The following CDC42BPA variants were observed in gnomAD, a reference collection of about 807,000 sequenced individuals.
CDC42BPA encodes the protein serine/threonine-protein kinase MRCK alpha.
CDC42BPA carries 80 observed loss-of-function variants against 223.5 expected under a neutral mutation model. The observed-to-expected ratio is 0.36, with a 90% CI of 0.30 to 0.43. CDC42BPA has a LOEUF of 0.43. CDC42BPA is among the 20% of genes least tolerant of loss of function. The pLI, the probability that CDC42BPA is intolerant of heterozygous loss-of-function variation, is 1.00. For missense variants in CDC42BPA, 1,743 were observed against 2,099.9 expected (o/e 0.83, Z 3.32); for synonymous variants, 694 against 718.6 (o/e 0.97, Z 0.55).
rs76002042 is a variant in CDC42BPA, at chr1:227,262,592, C to T, written c.179-8437G>A. Among the ~76,000 whole-genome samples the T allele has an allele frequency of 9.7e-4, 148 of 152,208 alleles. 1 individual carries two copies. In the East Asian group the frequency reaches 0.021, roughly 21 times the overall value. On this transcript the variant is annotated intron_variant, in intron 1 of 36. Coordinates refer to ENST00000366766, the MANE Select transcript of CDC42BPA (RefSeq NM_001394014.1). ...CTAAGAATATAGCCATGTATTCTGG[C>T]CCTTATTAAGTATAAATTTAAACCA...
intron 35 of CDC42BPA, among the ~76,000 whole-genome samples, chr1:226,995,328 C>T (rs952477387): frequency 6.6e-6 from 1 of 152,218 alleles, no homozygotes. Context: ...TGACGGCTCC[C>T]AGCCATCTTT....
chr1:227,071,036 C>T (rs1156313613), intron 20 of CDC42BPA, among the ~76,000 whole-genome samples: 1 of 151,874 alleles, frequency 6.6e-6, no homozygotes, highest in Non-Finnish European at 1.5e-5. Context: ...TAAAACCTAG[C>T]TTGATTTTCA....
intron 1 of CDC42BPA, among the ~76,000 whole-genome samples, chr1:227,306,265 A>G (rs895729189): frequency 6.6e-6 from 1 of 152,084 alleles, no homozygotes; most frequent in African/African-American, 2.4e-5. Flanking sequence ...AAAAACAAAC[A>G]TGATTAATAA....
At chr1:227,039,973 C>T (rs935374075) in intron 24 of CDC42BPA, among the ~76,000 whole-genome samples, 158 bp downstream of exon 24, 4 of 152,104 alleles carry the variant, frequency 2.6e-5, no homozygotes, top group African/African-American at 9.7e-5. Flanking sequence ...TCTAGTTTCT[C>T]GAACATTCAA....
intron 21 of CDC42BPA, among the ~76,000 whole-genome samples, chr1:227,065,735 T>C (rs1461754324): frequency 6.6e-6 from 1 of 152,012 alleles, no homozygotes; most frequent in Non-Finnish European, 1.5e-5. Flanking sequence ...GAAGGTAACT[T>C]TGGAGGAGGA....
chr1:227,104,559 G>T (rs934641978), intron 14 of CDC42BPA, among the ~76,000 whole-genome samples: 2 of 152,144 alleles, frequency 1.3e-5, no homozygotes, highest in Non-Finnish European at 2.9e-5. Flanking sequence ...AGTGAAAAAT[G>T]TAAGTGTATG....
chr1:227,070,328 A>G (rs1185135304), intron 20 of CDC42BPA, among the ~76,000 whole-genome samples: 1 of 151,818 alleles, frequency 6.6e-6, no homozygotes, highest in East Asian at 1.9e-4. Flanking sequence ...AAAACTGCCA[A>G]TCTGATTTCA....
chr1:227,143,826 A>T (rs7524042), intron 8 of CDC42BPA, among the ~76,000 whole-genome samples: 108,984 of 152,132 alleles, frequency 0.72, 39,250 homozygotes, highest in South Asian at 0.86. Flanking sequence ...CCTCAGAGCA[A>T]TGGTTCAATA....
chr1:227,294,414 T>C (rs1333783412), intron 1 of CDC42BPA, among the ~76,000 whole-genome samples: 2 of 152,110 alleles, frequency 1.3e-5, no homozygotes. Flanking sequence ...ATAATGGTAA[T>C]GATAACTAAC....
At chr1:227,074,704 A>C (rs992132276) in intron 17 of CDC42BPA, among the ~76,000 whole-genome samples, 24 of 152,214 alleles carry the variant, frequency 1.6e-4, no homozygotes, top group Non-Finnish European at 3.1e-4. Context: ...TTTCTAAATA[A>C]TAAGATTTCT....
intron 1 of CDC42BPA, among the ~76,000 whole-genome samples, chr1:227,272,710 T>C (rs1420143653): frequency 1.3e-5 from 2 of 152,224 alleles, no homozygotes; most frequent in African/African-American, 4.8e-5. Flanking sequence ...TGTGAGCTAC[T>C]GCTCCTGGCC....
chr1:227,289,169 T>G (rs992366213), intron 1 of CDC42BPA, among the ~76,000 whole-genome samples: 1 of 152,178 alleles, frequency 6.6e-6, no homozygotes, highest in Non-Finnish European at 1.5e-5. Flanking sequence ...GTTACCCTTT[T>G]AAAGCATAAA....
intron 1 of CDC42BPA, among the ~76,000 whole-genome samples, chr1:227,307,745 CA>C (rs1229833908): frequency 6.6e-6 from 1 of 152,174 alleles, no homozygotes; most frequent in Non-Finnish European, 1.5e-5. Flanking sequence ...TGTCAGGTCA[CA>C]AATACATTTA....
At chr1:227,208,707 T>C (rs1278938600) in intron 3 of CDC42BPA, among the ~76,000 whole-genome samples, 1 of 151,848 alleles carries the variant, frequency 6.6e-6, no homozygotes, top group Non-Finnish European at 1.5e-5. Flanking sequence ...TCTGTTCCAC[T>C]GATCTATATC....
chr1:227,312,528 A>G (rs879279742), intron 1 of CDC42BPA, among the ~76,000 whole-genome samples: 7 of 152,190 alleles, frequency 4.6e-5, no homozygotes, highest in Non-Finnish European at 1.0e-4. Context: ...TAATCCTGAC[A>G]TCCTGTTTTC....
Position 227,030,300 on chromosome 1 carries a change from G to A in CDC42BPA, c.3838+108C>T, listed in dbSNP as rs1193809233. ...AAATTAGGTCTGGAAAATTTTAGTC[G>A]CAGGATAAATAAGAGCAAATCCTGC... On this transcript the variant is annotated intron_variant, in intron 29 of 36. Transcript: ENST00000366766. The A allele has an allele frequency of 1.1e-5, 7 of 663,240 alleles. No homozygotes were observed. The East Asian group carries it at 1.8e-4, about 17-fold the overall frequency. 41.1% of individuals were successfully genotyped at this position (663,240 alleles called of 1,614,324 possible). A position where few individuals can be genotyped will look rare whatever the true frequency, so the allele number is the denominator to read the frequency against.
chr1:227,070,680 T>A (rs1678128286), intron 20 of CDC42BPA, among the ~76,000 whole-genome samples: 1 of 151,794 alleles, frequency 6.6e-6, no homozygotes, highest in Non-Finnish European at 1.5e-5. Flanking sequence ...CTTGGGGAAA[T>A]AATAGTAAAT....
At chr1:227,129,841 G>A (rs946010508) in intron 10 of CDC42BPA, among the ~76,000 whole-genome samples, 1 of 151,658 alleles carries the variant, frequency 6.6e-6, no homozygotes. Flanking sequence ...CAAAAGCCTG[G>A]TATGTCAGTC....
chr1:227,052,094 G>C, intron 21 of CDC42BPA, 109 bp from the exon 22 acceptor site: 1 of 522,860 alleles, frequency 1.9e-6, no homozygotes, highest in Non-Finnish European at 3.6e-6. Flanking sequence ...TCTTGAGAAA[G>C]GAGGATAACA....
Sources: allele counts gnomAD v4.1 joint callset (sites outside exome capture counted in the v4.1 genomes callset), GRCh38; gene constraint gnomAD v4.1.1; transcripts MANE v1.5; gene names NCBI Gene and HGNC (gene_info 2026-07-23, HGNC 2026-07-21).